TNPO3: variants seen among roughly 807,000 people sequenced by gnomAD.
TNPO3 encodes the protein transportin 3, also known as transportin-3.
Under a neutral mutation model 122.8 loss-of-function variants are expected in TNPO3, and 65 were observed. The ratio of observed to expected loss-of-function variants is 0.53; its 90% CI spans 0.43 to 0.65. The LOEUF (loss-of-function observed/expected upper bound fraction) is 0.65. TNPO3 is among the 30% of genes least tolerant of loss of function. The pLI is 0.00. For synonymous variants in TNPO3, 372 were observed against 411.2 expected (o/e 0.90, Z 1.15); for missense variants, 850 against 1,136.7 (o/e 0.75, Z 3.63).
In TNPO3 at chr7:129,000,700, T is replaced by A. The variant is rs1324215202; in HGVS notation, c.873-133A>T. 1.9e-5 allele frequency: 17 copies of A among 902,024 alleles called. No homozygotes were observed. In the East Asian group the frequency reaches 2.8e-4, roughly 15 times the overall value. 55.9% of individuals were successfully genotyped at this position (902,024 alleles called of 1,614,324 possible). A position where few individuals can be genotyped will look rare whatever the true frequency, so the allele number is the denominator to read the frequency against. On this transcript the variant is annotated intron_variant, in intron 6 of 22. Coordinates refer to ENST00000265388, the MANE Select transcript of TNPO3 (RefSeq NM_012470.4). ...TCTAGTGATTATTTACTATGCTGTA[T>A]CACAATCCCCATGACAGACACCTTT... is the stretch of plus-strand genomic sequence containing the variant.
At chr7:128,956,433 A>T (rs1161482335) in intron 22 of TNPO3, among the ~76,000 whole-genome samples, 8 of 152,180 alleles carry the variant, frequency 5.3e-5, no homozygotes, top group Non-Finnish European at 4.4e-5. Flanking sequence ...GCTTTGCTTC[A>T]GAACCAGGAG....
At chr7:128,957,141 T>A in intron 22 of TNPO3, 83 bp downstream of exon 22, 6 of 1,153,936 alleles carry the variant, frequency 5.2e-6, no homozygotes, top group Non-Finnish European at 7.8e-6. Flanking sequence ...GGTCCCATGA[T>A]AGGCATTAAA....
intron 7 of TNPO3, among the ~76,000 whole-genome samples, chr7:128,998,133 C>A (rs1368953309): frequency 6.6e-6 from 1 of 151,838 alleles, no homozygotes; most frequent in Non-Finnish European, 1.5e-5. Context: ...CAGGCATGAG[C>A]CACCACATAG....
At chr7:129,045,019 T>TA (rs990506152) in intron 1 of TNPO3, among the ~76,000 whole-genome samples, 29 of 152,076 alleles carry the variant, frequency 1.9e-4, no homozygotes, top group African/African-American at 6.8e-4. Flanking sequence ...TATTCAGCCT[T>TA]AAAAAGGAAG....
Position 128,954,566 on chromosome 7 carries a change from T to A in TNPO3, c.*851A>T, listed in dbSNP as rs925845084. On this transcript the variant is annotated 3_prime_UTR_variant, in exon 23 of 23. Transcript: ENST00000265388. Reference sequence around the variant, plus strand: ...CCCACCCGCCCACCCCAGTTTTGGCTCTTCTCTCCAAGGCAGACAACAAAC... The same window carrying A: ...CCCACCCGCCCACCCCAGTTTTGGCACTTCTCTCCAAGGCAGACAACAAAC... 11 of 106,048 alleles carry A rather than the reference T, an allele frequency of 1.0e-4. No individual in the cohort carries two copies. Among genetic ancestry groups the A allele is most frequent in the Non-Finnish European group, 1.9e-4 (11 of 56,572 alleles). The allele number at this position is 106,048 out of a possible 1,614,324, so 6.6% of individuals were successfully genotyped here.
chr7:129,002,941 G>C (rs1341441099), intron 5 of TNPO3, among the ~76,000 whole-genome samples: 2 of 150,464 alleles, frequency 1.3e-5, no homozygotes, highest in Admixed American at 1.3e-4. Flanking sequence ...TGAGGAGGCT[G>C]AGGCAGGAGA....
chr7:129,014,514 G>A (rs1378983371), intron 4 of TNPO3, among the ~76,000 whole-genome samples: 1 of 151,902 alleles, frequency 6.6e-6, no homozygotes, highest in Admixed American at 6.6e-5. Context: ...CAGAGACCCT[G>A]CTTCAAAAAA....
At chr7:128,965,159 A>G (rs968737670) in intron 21 of TNPO3, among the ~76,000 whole-genome samples, 2 of 152,242 alleles carry the variant, frequency 1.3e-5, no homozygotes, top group African/African-American at 4.8e-5. Flanking sequence ...AACCTAAAGA[A>G]TGGAGGAAAA....
Position 128,993,744 on chromosome 7 carries a change from A to G in TNPO3, c.1266+63T>C, listed in dbSNP as rs577512096. ...AAATAAGATGGAACATTCACAGAAG[A>G]CACAGAAGTGAATACAATTAAGGTG... On this transcript the variant is annotated intron_variant, in intron 9 of 22. Coordinates refer to ENST00000265388, the MANE Select transcript of TNPO3 (RefSeq NM_012470.4). 5.1e-6 allele frequency: 7 copies of G among 1,362,068 alleles called. No individual in the cohort carries two copies. In the Admixed American group the frequency reaches 1.2e-4, roughly 24 times the overall value. 84.4% of individuals were successfully genotyped at this position (1,362,068 alleles called of 1,614,324 possible).
In TNPO3 at chr7:129,018,070, T is replaced by C; in HGVS notation, c.208A>G (p.Lys70Glu). 6.2e-7 allele frequency: 1 copy of C among 1,614,184 alleles called. No homozygotes were observed. ...CYFAAQTMKM[K>E]IQTSFYELPT... ...AGCTCATAAAATGAGGTCTGAATCT[T>C]CATTTTCATGGTCTGTGCAGCAAAA... is the stretch of plus-strand genomic sequence containing the variant. The change falls in exon 2 of 23, where the codon AAG (lysine) becomes GAG (glutamate). Residue 70 changes from lysine (K) to glutamate (E), a missense_variant. By Grantham distance (56) the Lys-to-Glu change is moderately conservative (BLOSUM62 1). Coordinates refer to ENST00000265388, the MANE Select transcript of TNPO3 (RefSeq NM_012470.4).
chr7:129,025,165 A>G (rs1031385914), intron 1 of TNPO3, among the ~76,000 whole-genome samples: 1 of 151,608 alleles, frequency 6.6e-6, no homozygotes, highest in African/African-American at 2.4e-5. Context: ...CCTGGCCAAC[A>G]TGATGAAACC....
intron 1 of TNPO3, among the ~76,000 whole-genome samples, chr7:129,048,815 T>C (rs900283171): frequency 6.6e-6 from 1 of 152,236 alleles, no homozygotes; most frequent in Non-Finnish European, 1.5e-5. Context: ...ATGTATGCAC[T>C]TCTGACAATC....
intron 7 of TNPO3, among the ~76,000 whole-genome samples, chr7:128,999,912 C>G (rs979894632): frequency 6.6e-6 from 1 of 152,126 alleles, no homozygotes; most frequent in Admixed American, 6.5e-5. Flanking sequence ...CAACCCCGAC[C>G]CTTTCTCATT....
intron 1 of TNPO3, among the ~76,000 whole-genome samples, chr7:129,040,868 TCTC>T (rs1217037575): frequency 6.6e-6 from 1 of 152,208 alleles, no homozygotes; most frequent in African/African-American, 2.4e-5. Flanking sequence ...CAAATGCACT[TCTC>T]CTTTCAAATA....
In TNPO3 at chr7:129,038,633, T is replaced by C. The variant is rs12113052; in HGVS notation, c.120+16018A>G. On this transcript the variant is annotated intron_variant, in intron 1 of 22. Transcript: ENST00000265388. ...AAGAAAATGTGGTAGATATGCACCA[T>C]GGAATACTATGCAGCCATAAAAAAA... 7.0e-3 allele frequency among the ~76,000 whole-genome samples: 1,062 copies of C among 152,278 alleles called. 11 individuals are homozygous for C. Among genetic ancestry groups the C allele is most frequent in the African/African-American group, 0.025 (1,019 of 41,538 alleles).
intron 1 of TNPO3, among the ~76,000 whole-genome samples, chr7:129,027,975 A>C (rs757459891): frequency 4.6e-5 from 7 of 152,356 alleles, no homozygotes; most frequent in Non-Finnish European, 1.0e-4. Context: ...GACTGAAATC[A>C]TATAAAACAT....
intron 17 of TNPO3, 32 bp downstream of exon 17, chr7:128,975,787 T>C (rs763081678): frequency 5.5e-5 from 77 of 1,393,934 alleles, no homozygotes; most frequent in Non-Finnish European, 6.5e-5. Context: ...CCTCTAGGCC[T>C]GATGCGTCTA....
chr7:128,966,426 CTA>C (rs1173663473), intron 21 of TNPO3, among the ~76,000 whole-genome samples: 1 of 152,154 alleles, frequency 6.6e-6, no homozygotes, highest in African/African-American at 2.4e-5. Flanking sequence ...TACAAAAAGA[CTA>C]TCAGGGCAAA....
intron 14 of TNPO3, 66 bp from the exon 15 acceptor site, chr7:128,980,097 AT>A: frequency 7.2e-7 from 1 of 1,386,650 alleles, no homozygotes. Flanking sequence ...CAGAGCCCTG[AT>A]CCCTGCTTGC....
Sources: gnomAD v4.1 joint callset for allele counts (sites outside exome capture counted in the v4.1 genomes callset) on GRCh38, gnomAD v4.1.1 for gene constraint, MANE v1.5 for transcripts, NCBI Gene and HGNC (gene_info 2026-07-23, HGNC 2026-07-21) for gene names.